The following ATE1 variants were observed in gnomAD, a reference collection of about 807,000 sequenced individuals.
ATE1 encodes arginyl-tRNA--protein transferase 1.
ATE1 carries 36 observed loss-of-function variants against 70.5 expected under a neutral mutation model. The observed-to-expected ratio is 0.51, with a 90% CI of 0.39 to 0.67. The LOEUF (loss-of-function observed/expected upper bound fraction) is 0.67, where lower values mean the gene tolerates loss of function less well. ATE1 is among the 30% of genes least tolerant of loss of function. The pLI is 0.00. For missense variants in ATE1, 593 were observed against 629.5 expected (o/e 0.94, Z 0.62); for synonymous variants, 232 against 219.3 (o/e 1.06, Z -0.51).
intron 3 of ATE1, among the ~76,000 whole-genome samples, chr10:121,916,152 A>C (rs1224924676): frequency 7.0e-6 from 1 of 142,598 alleles, no homozygotes; most frequent in Non-Finnish European, 1.5e-5. Flanking sequence ...GCATGAACCC[A>C]GGAGGCGGAG....
At chr10:121,809,899 AAAC>A (rs1247468969) in intron 10 of ATE1, among the ~76,000 whole-genome samples, 1 of 152,046 alleles carries the variant, frequency 6.6e-6, no homozygotes, top group Non-Finnish European at 1.5e-5. Flanking sequence ...AAACAAAACA[AAAC>A]AAAAAAAAAA....
chr10:121,782,088 G>GA (rs199848276), intron 11 of ATE1, among the ~76,000 whole-genome samples: 214 of 150,836 alleles, frequency 1.4e-3, no homozygotes, highest in Non-Finnish European at 2.6e-3. Context: ...TACCTTGCAG[G>GA]AAAAAAAAAT....
intron 11 of ATE1, among the ~76,000 whole-genome samples, chr10:121,762,817 T>C (rs935546323): frequency 3.9e-5 from 6 of 152,268 alleles, no homozygotes; most frequent in African/African-American, 1.4e-4. Flanking sequence ...TTTATTTCAA[T>C]GTTTAATATT....
At chr10:121,765,586 A>G (rs1285410704) in intron 11 of ATE1, among the ~76,000 whole-genome samples, 1 of 152,312 alleles carries the variant, frequency 6.6e-6, no homozygotes, top group East Asian at 1.9e-4. Context: ...TTAACAATTT[A>G]TTGCCACTTG....
chr10:121,839,213 T>C (rs1355945287), intron 9 of ATE1, among the ~76,000 whole-genome samples: 1 of 152,194 alleles, frequency 6.6e-6, no homozygotes, highest in African/African-American at 2.4e-5. Context: ...CCAGCTCTAG[T>C]ATTTGCAGGG....
intron 10 of ATE1, among the ~76,000 whole-genome samples, chr10:121,821,054 G>A (rs536694989): frequency 7.2e-5 from 11 of 152,232 alleles, no homozygotes; most frequent in South Asian, 2.1e-4. Context: ...CCATTCTCCC[G>A]CCTCGGCCTC....
chr10:121,875,296 T>G (rs1288343926), intron 7 of ATE1, among the ~76,000 whole-genome samples: 1 of 123,166 alleles, frequency 8.1e-6, no homozygotes, highest in Non-Finnish European at 1.6e-5. Flanking sequence ...GGTTTTTTTT[T>G]GGTTTTTTTT....
intron 7 of ATE1, among the ~76,000 whole-genome samples, chr10:121,897,067 C>T (rs571054287): frequency 6.6e-6 from 1 of 152,188 alleles, no homozygotes; most frequent in Admixed American, 6.5e-5. Context: ...TCAGAAAAAC[C>T]TCTCTAACCT....
intron 7 of ATE1, among the ~76,000 whole-genome samples, chr10:121,898,492 T>C (rs2134276412): frequency 6.6e-6 from 1 of 152,310 alleles, no homozygotes; most frequent in South Asian, 2.1e-4. Context: ...TTGGTCTGTC[T>C]TTCCCATTTG....
intron 10 of ATE1, among the ~76,000 whole-genome samples, chr10:121,813,941 T>C (rs1039557134): frequency 1.3e-5 from 2 of 152,196 alleles, no homozygotes; most frequent in Non-Finnish European, 2.9e-5. Flanking sequence ...AATTCAAAAC[T>C]TCTCAGATCC....
intron 7 of ATE1, among the ~76,000 whole-genome samples, chr10:121,881,102 TC>T (rs1176096568): frequency 6.6e-6 from 1 of 152,222 alleles, no homozygotes; most frequent in African/African-American, 2.4e-5. Flanking sequence ...ATTTGAATTT[TC>T]CTTTTTGCTT....
In ATE1 at chr10:121,756,115, T is replaced by C. The variant is rs182167838; in HGVS notation, c.1379-12257A>G. Among the ~76,000 whole-genome samples, 250 of 152,186 alleles carry C rather than the reference T, an allele frequency of 1.6e-3. 1 individual carries two copies. Among genetic ancestry groups the C allele is most frequent in the Non-Finnish European group, 6.5e-4 (44 of 68,010 alleles). On this transcript the variant is annotated intron_variant, in intron 11 of 11. Transcript: ENST00000224652. Reference sequence around the variant, plus strand: ...ATTAGGTAAATATAGCCGTTCCAAATGGGAGAAATTGGCCAAAACAAAAGG... The same window carrying C: ...ATTAGGTAAATATAGCCGTTCCAAACGGGAGAAATTGGCCAAAACAAAAGG...
At chr10:121,861,891 A>T (rs1949487317) in intron 8 of ATE1, among the ~76,000 whole-genome samples, 1 of 152,180 alleles carries the variant, frequency 6.6e-6, no homozygotes, top group East Asian at 1.9e-4. Flanking sequence ...CTTTTGCCCA[A>T]ATGATCAAGC....
Position 121,747,796 on chromosome 10 carries a change from GAAAC to G in ATE1, c.1379-3942_1379-3939del, listed in dbSNP as rs535919822. ...CCAAAGGGGAAAGTCCACATACTTTGAAACAATTATATGTTTAACATGTCCTAGG... is the reference window on the plus strand; with the variant it reads ...CCAAAGGGGAAAGTCCACATACTTTGAATTATATGTTTAACATGTCCTAGG... On this transcript the variant is annotated intron_variant, in intron 11 of 11. Coordinates refer to ENST00000224652, the MANE Select transcript of ATE1 (RefSeq NM_001001976.3). Among the ~76,000 whole-genome samples the G allele has an allele frequency of 9.2e-5, 14 of 152,326 alleles. 1 individual carries two copies. In the South Asian group the frequency reaches 2.9e-3, roughly 32 times the overall value.
intron 5 of ATE1, among the ~76,000 whole-genome samples, chr10:121,905,983 T>A (rs1020920783): frequency 1.3e-5 from 2 of 151,962 alleles, no homozygotes; most frequent in Non-Finnish European, 2.9e-5. Flanking sequence ...CCCACAGAGG[T>A]TCAAAGCAAC....
intron 7 of ATE1, among the ~76,000 whole-genome samples, chr10:121,896,627 G>A (rs1047966142): frequency 6.6e-6 from 1 of 151,786 alleles, no homozygotes; most frequent in Non-Finnish European, 1.5e-5. Context: ...TGGCCAACAT[G>A]GTGAAACCCT....
At chr10:121,802,091 T>C (rs1286692220) in intron 10 of ATE1, among the ~76,000 whole-genome samples, 1 of 152,184 alleles carries the variant, frequency 6.6e-6, no homozygotes, top group Non-Finnish European at 1.5e-5. Flanking sequence ...AGTACTATAC[T>C]CACAAGTGTG....
intron 10 of ATE1, among the ~76,000 whole-genome samples, chr10:121,791,065 T>TAC (rs1564840823): frequency 0.046 from 1,870 of 40,462 alleles, 60 homozygotes; most frequent in African/African-American, 0.079. Flanking sequence ...CGTGTGTGTG[T>TAC]GTGTGTGTGT....
intron 10 of ATE1, among the ~76,000 whole-genome samples, chr10:121,791,323 A>C (rs1209273058): frequency 3.3e-5 from 5 of 151,670 alleles, no homozygotes; most frequent in Non-Finnish European, 7.4e-5. Context: ...CAAACTCCTG[A>C]CCTCAGGTGA....
Sources: gnomAD v4.1 joint callset for allele counts (sites outside exome capture counted in the v4.1 genomes callset) on GRCh38, gnomAD v4.1.1 for gene constraint, MANE v1.5 for transcripts, NCBI Gene and HGNC (gene_info 2026-07-23, HGNC 2026-07-21) for gene names.